Variants in NPLOC4 observed in about 807,000 individuals in gnomAD.
NPLOC4 encodes nuclear protein localization protein 4 homolog.
A neutral mutation model predicts 80.6 loss-of-function variants in NPLOC4; 18 were observed. That is an observed-to-expected ratio of 0.22 (90% CI 0.15 to 0.33). The LOEUF is 0.33. Among genes scored for constraint, NPLOC4 ranks in the 10% least tolerant of loss-of-function variants. The probability of loss-of-function intolerance (pLI) is 1.00; values close to 1 mark genes in which losing one functional copy is unlikely to be tolerated. For missense variants in NPLOC4, 540 were observed against 786.1 expected, an observed-to-expected ratio of 0.69 and a Z score of 3.74; for synonymous variants, 313 against 301.5, an observed-to-expected ratio of 1.04 and a Z score of -0.39.
intron 16 of NPLOC4, chr17:81,565,216 G>A: frequency 1.6e-6 from 1 of 640,602 alleles, no homozygotes; most frequent in East Asian, 2.7e-5. Flanking sequence ...GATGTTCAAA[G>A]TGCTCCTAGG....
intron 1 of NPLOC4, among the ~76,000 whole-genome samples, chr17:81,631,436 A>ATATATATTTT (rs1330720098): frequency 2.6e-5 from 3 of 117,068 alleles, no homozygotes; most frequent in African/African-American, 9.4e-5. Context: ...ATATATATAT[A>ATATATATTTT]TTTTTTTTTT....
chr17:81,602,998 C>T (rs2035106141), intron 8 of NPLOC4, among the ~76,000 whole-genome samples: 1 of 136,122 alleles, frequency 7.3e-6, no homozygotes, highest in Non-Finnish European at 1.7e-5. Flanking sequence ...CACACACACA[C>T]ACACACACAC....
chr17:81,630,539 A>G (rs2035901855), intron 1 of NPLOC4, among the ~76,000 whole-genome samples: 1 of 151,744 alleles, frequency 6.6e-6, no homozygotes, highest in Non-Finnish European at 1.5e-5. Flanking sequence ...CTGTGCTGGG[A>G]TTACAGGTGT....
intron 11 of NPLOC4, 122 bp from the exon 12 acceptor site, chr17:81,589,226 G>A: frequency 1.1e-6 from 1 of 880,100 alleles, no homozygotes; most frequent in Admixed American, 3.0e-5. Context: ...TCGGGGGTAA[G>A]AGTTAAAAAA....
At chr17:81,633,637 A>G (rs530925456) in intron 1 of NPLOC4, among the ~76,000 whole-genome samples, 4 of 152,338 alleles carry the variant, frequency 2.6e-5, no homozygotes, top group Admixed American at 6.5e-5. Context: ...CCCTATTTAT[A>G]AGAAAATAAG....
chr17:81,597,654 A>AGG (rs2034949832), intron 9 of NPLOC4, among the ~76,000 whole-genome samples: 1 of 151,834 alleles, frequency 6.6e-6, no homozygotes, highest in Non-Finnish European at 1.5e-5. Context: ...GTGGTGGCGC[A>AGG]TGCCTGTAAT....
intron 2 of NPLOC4, among the ~76,000 whole-genome samples, chr17:81,623,352 C>T (rs1235014738): frequency 1.3e-5 from 2 of 151,204 alleles, no homozygotes; most frequent in Non-Finnish European, 2.9e-5. Context: ...CCTGTAATCC[C>T]AGCTACCCGG....
At chr17:81,608,177 C>T (rs1259803722) in intron 6 of NPLOC4, among the ~76,000 whole-genome samples, 1 of 152,232 alleles carries the variant, frequency 6.6e-6, no homozygotes, top group East Asian at 1.9e-4. Flanking sequence ...ACCAAGCTGA[C>T]TCAGAGGCCA....
intron 12 of NPLOC4, chr17:81,573,454 C>G (rs1169018269): frequency 1.3e-5 from 2 of 150,534 alleles, no homozygotes; most frequent in East Asian, 3.9e-4. Flanking sequence ...CCCCATTTGG[C>G]CCTTGGCCCT....
intron 13 of NPLOC4, 147 bp from the exon 14 acceptor site, chr17:81,569,258 C>G: frequency 1.6e-6 from 1 of 615,342 alleles, no homozygotes. Flanking sequence ...CAAAGGGAAC[C>G]GTTATCTATT....
At chr17:81,573,397 G>C (rs1051027432) in intron 12 of NPLOC4, 1 of 152,182 alleles carries the variant, frequency 6.6e-6, no homozygotes, top group Non-Finnish European at 1.5e-5. Context: ...ATCACAAGCT[G>C]TTCCCAAGTC....
At chr17:81,619,074 C>T (rs1439826933) in intron 3 of NPLOC4, among the ~76,000 whole-genome samples, 12 of 152,092 alleles carry the variant, frequency 7.9e-5, no homozygotes, top group Admixed American at 1.3e-4. Context: ...TGCGGAAGGC[C>T]GCAGGGTCCT....
At chr17:81,618,956 G>A (rs1177006775) in intron 3 of NPLOC4, among the ~76,000 whole-genome samples, 1 of 151,984 alleles carries the variant, frequency 6.6e-6, no homozygotes, top group Non-Finnish European at 1.5e-5. Flanking sequence ...GGGTTAAATG[G>A]ATTAAGGGCG....
chr17:81,561,173 G>C (rs535034192), intron 16 of NPLOC4, among the ~76,000 whole-genome samples: 1 of 152,188 alleles, frequency 6.6e-6, no homozygotes, highest in South Asian at 2.1e-4. Context: ...TGGCCTGGCT[G>C]TCTCGAACTC....
intron 16 of NPLOC4, among the ~76,000 whole-genome samples, chr17:81,560,341 A>T (rs902466693): frequency 5.9e-5 from 9 of 151,980 alleles, no homozygotes; most frequent in Non-Finnish European, 1.2e-4. Flanking sequence ...TGAACCCGGG[A>T]GGGGAAGCCT....
At chr17:81,573,996 C>T (rs56216280) in intron 12 of NPLOC4, among the ~76,000 whole-genome samples, 2,373 of 152,284 alleles carry the variant, frequency 0.016, 21 homozygotes, top group Non-Finnish European at 0.026. Flanking sequence ...GTGATGGGGG[C>T]GCTAAAGACA....
At position 81,607,666 on chromosome 17, in the gene NPLOC4, T is replaced by G. The variant is rs182389838; in HGVS notation, c.531-852A>C. On this transcript the variant is annotated intron_variant, in intron 6 of 16. Coordinates refer to ENST00000331134, the MANE Select transcript of NPLOC4 (RefSeq NM_017921.4). ...CCACAAACACGCCCCCACTAGAGAC[T>G]GTGTTCCTTGACCTAGACTGAGAAA... Among the ~76,000 whole-genome samples the G allele has an allele frequency of 2.1e-4, 31 of 149,236 alleles. 1 individual carries two copies. In the East Asian group the frequency reaches 5.8e-3, roughly 28 times the overall value.
intron 16 of NPLOC4, 100 bp from the exon 17 acceptor site, chr17:81,559,516 GC>G: frequency 7.5e-7 from 1 of 1,325,036 alleles, no homozygotes; most frequent in African/African-American, 1.5e-5. Flanking sequence ...AGAGCTCCCC[GC>G]CCCCAACATC....
chr17:81,612,539 T>C (rs2035367509), intron 4 of NPLOC4: 1 of 152,104 alleles, frequency 6.6e-6, no homozygotes, highest in South Asian at 2.1e-4. Flanking sequence ...ATCTAAGACA[T>C]AAAAGTTGCT....
Sources: allele counts gnomAD v4.1 joint callset (sites outside exome capture counted in the v4.1 genomes callset), GRCh38; gene constraint gnomAD v4.1.1; transcripts MANE v1.5; gene names NCBI Gene and HGNC (gene_info 2026-07-23, HGNC 2026-07-21).